Variants in MDN1 observed in about 807,000 individuals in gnomAD.
The protein encoded by MDN1 is midasin AAA ATPase 1.
Under a neutral mutation model 669.2 loss-of-function variants are expected in MDN1, and 266 were observed. That is an observed-to-expected ratio of 0.40 (90% CI 0.36 to 0.44). MDN1 has a LOEUF of 0.44. Ranked by LOEUF, MDN1 falls within the 20% of genes least tolerant of loss-of-function variation. The probability of loss-of-function intolerance (pLI) is 1.00; values close to 1 mark genes in which losing one functional copy is unlikely to be tolerated. For missense variants in MDN1, 5,940 were observed against 6,754.0 expected, an observed-to-expected ratio of 0.88 and a Z score of 4.22; for synonymous variants, 2,385 against 2,457.1, an observed-to-expected ratio of 0.97 and a Z score of 0.87.
chr6:89,657,494 C>T (rs1809402347), intron 90 of MDN1, among the ~76,000 whole-genome samples: 1 of 152,158 alleles, frequency 6.6e-6, no homozygotes, highest in South Asian at 2.1e-4. Flanking sequence ...AAGTTATCTG[C>T]TTTTTAAATT....
rs1405544387 is a variant in MDN1 at position 89,731,757 on chromosome 6, A to C, written c.4942+800T>G. On this transcript the variant is annotated intron_variant, in intron 34 of 101. Transcript: ENST00000369393. Reference sequence around the variant, plus strand: ...AAACCCGCATATTCGGTTTCTCTTCAAATAATCTGATCAATCTTTTATTCT... The same window carrying C: ...AAACCCGCATATTCGGTTTCTCTTCCAATAATCTGATCAATCTTTTATTCT... Among the ~76,000 whole-genome samples the C allele has an allele frequency of 4.6e-5, 7 of 151,804 alleles. 1 individual carries two copies. In the South Asian group the frequency reaches 1.5e-3, roughly 32 times the overall value.
Position 89,772,623 on chromosome 6 carries a change from T to C in MDN1, c.2033A>G (p.Glu678Gly), listed in dbSNP as rs1290963238. 1.1e-5 allele frequency: 18 copies of C among 1,614,108 alleles called. No individual in the cohort carries two copies. Among genetic ancestry groups the C allele is most frequent in the Non-Finnish European group, 1.4e-5 (17 of 1,180,006 alleles). ...GGTAGAGGTTTTGCCAGTCCCGGTC[T>C]CTCCCACCAGCAACACAGGCTCCCC... ...SKGEPVLLVG[E>G]TGTGKTSTIQ... The change falls in exon 14 of 102, where the codon GAG becomes GGG. Residue 678 changes from glutamate (E) to glycine (G), a missense_variant. By Grantham distance (98) the Glu-to-Gly change is moderately conservative. Transcript: ENST00000369393.
chr6:89,698,385 A>G (rs67654358), intron 59 of MDN1, among the ~76,000 whole-genome samples: 22,556 of 152,266 alleles, frequency 0.15, 1,942 homozygotes, highest in Non-Finnish European at 0.19. Context: ...ATCGGTAAGA[A>G]AGTGATTAAA....
intron 17 of MDN1, among the ~76,000 whole-genome samples, chr6:89,760,019 C>T (rs984345420): frequency 3.3e-5 from 5 of 152,032 alleles, no homozygotes; most frequent in African/African-American, 1.2e-4. Flanking sequence ...TTGCAGTGAG[C>T]CAAGATTGCA....
intron 1 of MDN1, among the ~76,000 whole-genome samples, chr6:89,810,081 T>C (rs926654146): frequency 9.3e-5 from 14 of 150,610 alleles, no homozygotes; most frequent in African/African-American, 3.2e-4. Context: ...CCTGACTGAA[T>C]GTTTTTCTTA....
chr6:89,799,007 T>C (rs1767459719), intron 2 of MDN1, among the ~76,000 whole-genome samples: 1 of 152,226 alleles, frequency 6.6e-6, no homozygotes, highest in Admixed American at 6.5e-5. Context: ...ACAGTGAGAA[T>C]AAAGTAGTTC....
intron 12 of MDN1, among the ~76,000 whole-genome samples, chr6:89,775,743 T>C (rs1170709009): frequency 2.0e-5 from 3 of 152,212 alleles, no homozygotes; most frequent in Admixed American, 6.5e-5. Flanking sequence ...TGGAGTGCAG[T>C]GGCACAACCT....
chr6:89,653,588 G>C (rs1237846508), intron 93 of MDN1, among the ~76,000 whole-genome samples: 5 of 152,204 alleles, frequency 3.3e-5, no homozygotes, highest in Non-Finnish European at 7.3e-5. Flanking sequence ...TTGTCACATA[G>C]GATAGTCAAC....
intron 57 of MDN1, 121 bp from the exon 58 acceptor site, chr6:89,699,848 C>G (rs1047758530): frequency 8.5e-7 from 1 of 1,181,372 alleles, no homozygotes; most frequent in Non-Finnish European, 1.2e-6. Context: ...AAATGAACAA[C>G]TCTACTGATA....
At position 89,655,922 on chromosome 6, in the gene MDN1, C is replaced by G. The variant is rs372402461; in HGVS notation, c.15332G>C (p.Gly5111Ala). 100 of 1,613,952 alleles carry G rather than the reference C, an allele frequency of 6.2e-5. No individual in the cohort carries two copies. Among genetic ancestry groups the G allele is most frequent in the Non-Finnish European group, 7.6e-5 (90 of 1,180,042 alleles). The change falls in exon 92 of 102, where the codon GGT becomes GCT. Residue 5111 changes from glycine to alanine, a missense_variant. This residue lies in a region of MDN1 where 2,280 missense variants were observed against 2,576.3 expected (regional missense o/e 0.88). Coordinates refer to ENST00000369393, the MANE Select transcript of MDN1 (RefSeq NM_014611.3). ...CTTGTGCACACGCTCATTGTGATCACCCATGGAACGTTCATTGTCAGCCTG... is the reference window on the plus strand; with the variant it reads ...CTTGTGCACACGCTCATTGTGATCAGCCATGGAACGTTCATTGTCAGCCTG... ...PGQADNERSM[G>A]DHNERVHKRL...
In MDN1 at chr6:89,716,525, G is replaced by C. The variant is rs1255082889; in HGVS notation, c.6743+125C>G. On this transcript the variant is annotated intron_variant, in intron 44 of 101. Transcript: ENST00000369393. ...AGGGAGAAGTCTACAGAATATGGCTGAGGACGCTTGCGTAATTAAGAAAAA... is the reference window on the plus strand; with the variant it reads ...AGGGAGAAGTCTACAGAATATGGCTCAGGACGCTTGCGTAATTAAGAAAAA... The C allele has an allele frequency of 5.9e-6, 6 of 1,014,956 alleles. No homozygotes were observed. In the East Asian group the frequency reaches 1.6e-4, roughly 28 times the overall value. 62.9% of individuals were successfully genotyped at this position (1,014,956 alleles called of 1,614,324 possible).
chr6:89,706,228 T>A (rs773136212), intron 52 of MDN1, 36 bp from the exon 53 acceptor site: 1 of 1,589,710 alleles, frequency 6.3e-7, no homozygotes, highest in African/African-American at 1.4e-5. Flanking sequence ...GAACATTTCA[T>A]CAGATTTAAA....
At chr6:89,721,251 G>A (rs1814800072) in intron 40 of MDN1, among the ~76,000 whole-genome samples, 1 of 152,228 alleles carries the variant, frequency 6.6e-6, no homozygotes, top group Non-Finnish European at 1.5e-5. Context: ...TGTCCCAAAG[G>A]AGGGATGAGA....
chr6:89,670,866 G>T, intron 83 of MDN1, 53 bp downstream of exon 83: 1 of 1,561,026 alleles, frequency 6.4e-7, no homozygotes, highest in Non-Finnish European at 8.7e-7. Context: ...CTAATGACAT[G>T]AAATTTACTT....
chr6:89,814,056 C>A (rs1474429156), intron 1 of MDN1, among the ~76,000 whole-genome samples: 1 of 151,954 alleles, frequency 6.6e-6, no homozygotes, highest in Non-Finnish European at 1.5e-5. Context: ...CTCTCCAGAT[C>A]CTGTCTTAAA....
intron 19 of MDN1, among the ~76,000 whole-genome samples, chr6:89,757,497 A>G (rs1312236039): frequency 6.6e-6 from 1 of 152,228 alleles, no homozygotes; most frequent in Non-Finnish European, 1.5e-5. Flanking sequence ...TGTTCTGAAG[A>G]TTCCCATATG....
At chr6:89,741,166 A>C (rs1409449325) in intron 31 of MDN1, among the ~76,000 whole-genome samples, 2 of 152,340 alleles carry the variant, frequency 1.3e-5, no homozygotes, top group Non-Finnish European at 2.9e-5. Flanking sequence ...CGAGAGGCAG[A>C]AGCTGCAGTG....
chr6:89,694,666 C>G (rs865777630), intron 61 of MDN1, among the ~76,000 whole-genome samples: 1 of 151,434 alleles, frequency 6.6e-6, no homozygotes, highest in Admixed American at 6.6e-5. Context: ...GCTTCAGCCT[C>G]GTGAGTAGCT....
chr6:89,728,543 G>C (rs1815378557), intron 36 of MDN1, among the ~76,000 whole-genome samples: 1 of 152,166 alleles, frequency 6.6e-6, no homozygotes, highest in African/African-American at 2.4e-5. Flanking sequence ...AATATCTGAG[G>C]ATACAGGCCA....
Sources: gnomAD v4.1 joint callset for allele counts (sites outside exome capture counted in the v4.1 genomes callset) on GRCh38, gnomAD v4.1.1 for gene constraint, gnomAD v4.1.1 regional missense constraint, MANE v1.5 for transcripts, NCBI Gene and HGNC (gene_info 2026-07-23, HGNC 2026-07-21) for gene names.